The following GALNT17 variants were observed in gnomAD, a reference collection of about 807,000 sequenced individuals.
The protein encoded by GALNT17 is polypeptide N-acetylgalactosaminyltransferase 17, also known as UDP-GalNAc:polypeptide N-acetylgalactosaminyltransferase-like 3.
A neutral mutation model predicts 63.7 loss-of-function variants in GALNT17; 29 were observed. That is an observed-to-expected ratio of 0.46 (90% CI 0.34 to 0.62). The LOEUF is 0.62. GALNT17 is among the 20% of genes least tolerant of loss of function. The pLI is 0.01. For synonymous variants in GALNT17, 305 were observed against 318.3 expected (o/e 0.96, Z 0.45); for missense variants, 603 against 799.6 (o/e 0.75, Z 2.97).
chr7:71,165,950 C>CTT (rs71080430), intron 1 of GALNT17, among the ~76,000 whole-genome samples: 24 of 149,564 alleles, frequency 1.6e-4, no homozygotes, highest in African/African-American at 5.4e-4. Context: ...GAAAGCTGCT[C>CTT]TTTTTTTTTT....
intron 1 of GALNT17, among the ~76,000 whole-genome samples, chr7:71,291,536 T>C (rs1790979815): frequency 6.6e-6 from 1 of 152,198 alleles, no homozygotes. Flanking sequence ...GTATTTTACA[T>C]CTTTCTAAGT....
chr7:71,260,273 G>T (rs917851955), intron 1 of GALNT17, among the ~76,000 whole-genome samples: 3 of 152,106 alleles, frequency 2.0e-5, no homozygotes, highest in African/African-American at 7.2e-5. Context: ...CAAATGATTT[G>T]CAGTGTCTCT....
intron 1 of GALNT17, among the ~76,000 whole-genome samples, chr7:71,318,407 A>C (rs1791539120): frequency 9.7e-6 from 1 of 103,492 alleles, no homozygotes; most frequent in African/African-American, 4.1e-5. Flanking sequence ...CATTCCCTGA[A>C]GCTCTTTTTT....
chr7:71,289,385 T>A (rs997646031), intron 1 of GALNT17, among the ~76,000 whole-genome samples: 17 of 152,196 alleles, frequency 1.1e-4, no homozygotes, highest in Admixed American at 1.0e-3. Context: ...TTTAAATTTT[T>A]GTCTTTCTTT....
At chr7:71,481,309 GGGT>G (rs896131338) in intron 5 of GALNT17, among the ~76,000 whole-genome samples, 1 of 152,142 alleles carries the variant, frequency 6.6e-6, no homozygotes, top group Non-Finnish European at 1.5e-5. Flanking sequence ...AATTAGTCAG[GGGT>G]GGTGGGTGCA....
intron 5 of GALNT17, among the ~76,000 whole-genome samples, chr7:71,570,922 G>A (rs1349499431): frequency 2.0e-5 from 3 of 152,110 alleles, no homozygotes; most frequent in Non-Finnish European, 4.4e-5. Flanking sequence ...AGGTTGCGGT[G>A]AGCCAAGATT....
At chr7:71,286,810 C>T (rs1037540326) in intron 1 of GALNT17, among the ~76,000 whole-genome samples, 2 of 149,586 alleles carry the variant, frequency 1.3e-5, no homozygotes, top group African/African-American at 4.9e-5. Context: ...TTTTTTGAGA[C>T]AGGGTCTCAC....
At chr7:71,667,796 T>G (rs1791006577) in intron 7 of GALNT17, among the ~76,000 whole-genome samples, 1 of 120,256 alleles carries the variant, frequency 8.3e-6, no homozygotes, top group Admixed American at 8.3e-5. Flanking sequence ...TCCTGTTTTA[T>G]AAAGGGGAAT....
At chr7:71,530,532 A>G (rs538972429) in intron 5 of GALNT17, among the ~76,000 whole-genome samples, 10 of 147,396 alleles carry the variant, frequency 6.8e-5, no homozygotes, top group Non-Finnish European at 1.3e-4. Context: ...TTGGAGAGGT[A>G]CAAGAATTTA....
At chr7:71,296,937 C>T (rs756405362) in intron 1 of GALNT17, among the ~76,000 whole-genome samples, 2 of 152,214 alleles carry the variant, frequency 1.3e-5, no homozygotes, top group African/African-American at 4.8e-5. Flanking sequence ...GCTTTATCCT[C>T]TTCAGGCTAT....
chr7:71,186,012 C>T (rs907052785), intron 1 of GALNT17, among the ~76,000 whole-genome samples: 50 of 152,082 alleles, frequency 3.3e-4, no homozygotes, highest in African/African-American at 1.2e-3. Context: ...CCTTTATGCC[C>T]TCTGAATCAA....
At chr7:71,668,992 G>T (rs544437414) in intron 7 of GALNT17, among the ~76,000 whole-genome samples, 15 of 152,200 alleles carry the variant, frequency 9.9e-5, no homozygotes, top group African/African-American at 3.6e-4. Context: ...TTTTCTTGTC[G>T]TAATCAAATA....
At chr7:71,267,745 G>A (rs891648659) in intron 1 of GALNT17, among the ~76,000 whole-genome samples, 9 of 152,028 alleles carry the variant, frequency 5.9e-5, no homozygotes, top group African/African-American at 1.9e-4. Context: ...CAGGTTTGTT[G>A]TACAGGTAAA....
At chr7:71,547,639 A>T (rs1209556431) in intron 5 of GALNT17, among the ~76,000 whole-genome samples, 2 of 152,096 alleles carry the variant, frequency 1.3e-5, no homozygotes, top group South Asian at 2.1e-4. Context: ...CTGCAGCAGG[A>T]GTGAAACCCG....
At chr7:71,177,341 C>T (rs985918600) in intron 1 of GALNT17, among the ~76,000 whole-genome samples, 2 of 152,086 alleles carry the variant, frequency 1.3e-5, no homozygotes, top group Non-Finnish European at 2.9e-5. Flanking sequence ...CCCCGGGAAC[C>T]CCATCCCACT....
intron 1 of GALNT17, among the ~76,000 whole-genome samples, chr7:71,138,062 A>G (rs1031798975): frequency 6.6e-6 from 1 of 152,248 alleles, no homozygotes. Flanking sequence ...AGAAAATTGT[A>G]TGGGCTGGGC....
chr7:71,243,741 T>C (rs1158700740), intron 1 of GALNT17, among the ~76,000 whole-genome samples: 2 of 152,042 alleles, frequency 1.3e-5, no homozygotes, highest in Non-Finnish European at 2.9e-5. Context: ...ATTTTCCTTT[T>C]TGAGACCTCA....
chr7:71,610,340 G>T (rs1329127210), intron 6 of GALNT17, among the ~76,000 whole-genome samples: 1 of 151,798 alleles, frequency 6.6e-6, no homozygotes, highest in Non-Finnish European at 1.5e-5. Context: ...AAAATAACTG[G>T]GCATGGTTGT....
At chr7:71,701,808 TATATATACACATATATATACAC>T (rs1260972130) in intron 9 of GALNT17, among the ~76,000 whole-genome samples, 1 of 101,376 alleles carries the variant, frequency 9.9e-6, no homozygotes, top group African/African-American at 4.2e-5. Context: ...TGTGTGTATA[TATATATACACATATATATACAC>T]ATATATATAT....
Sources: allele counts gnomAD v4.1 joint callset (sites outside exome capture counted in the v4.1 genomes callset), GRCh38; gene constraint gnomAD v4.1.1; transcripts MANE v1.5; gene names NCBI Gene and HGNC (gene_info 2026-07-23, HGNC 2026-07-21).